The following SLC39A13 variants were observed in gnomAD, a reference collection of about 807,000 sequenced individuals.
SLC39A13 encodes solute carrier family 39 member 13, also known as zinc transporter ZIP13.
SLC39A13 carries 18 observed loss-of-function variants against 38.7 expected under a neutral mutation model. The observed-to-expected ratio is 0.47, with a 90% CI of 0.32 to 0.69. The LOEUF (loss-of-function observed/expected upper bound fraction) is 0.69. Ranked by LOEUF, SLC39A13 falls within the 30% of genes least tolerant of loss-of-function variation. The pLI is 0.03. For synonymous variants in SLC39A13, 212 were observed against 219.1 expected (o/e 0.97, Z 0.29); for missense variants, 395 against 490.7 (o/e 0.80, Z 1.84).
rs370685869 is a variant in SLC39A13 at position 47,412,461 on chromosome 11, C to T, written c.531C>T (p.Thr177=). ...TCCTGGACAGCAAGGAGGAGGGGACCAGCCAGGTGGGCCCCACACTCAAGG... is the reference window on the plus strand; with the variant it reads ...TCCTGGACAGCAAGGAGGAGGGGACTAGCCAGGTGGGCCCCACACTCAAGG... ...KMFLDSKEEG[T]SQAPNKDPTA... Residue 177 remains threonine (T), a synonymous_variant, in exon 4 of 10, where the codon ACC becomes ACT. Coordinates refer to ENST00000362021, the MANE Select transcript of SLC39A13 (RefSeq NM_001128225.3). 10 of 1,614,052 alleles carry T rather than the reference C, an allele frequency of 6.2e-6. No homozygotes were observed. In the African/African-American group the frequency reaches 9.3e-5, roughly 15 times the overall value.
In SLC39A13 at chr11:47,415,974, T is replaced by G; in HGVS notation, c.*611T>G. On this transcript the variant is annotated 3_prime_UTR_variant, in exon 10 of 10. Transcript: ENST00000362021. ...CTGGGAGGCGCTTCCTAAGACCCTT[T>G]CCTCAGGGCTGCCCTGGGAGCTCAT... 1 of 159,226 alleles carries G rather than the reference T, an allele frequency of 6.3e-6. No homozygotes were observed. The highest frequency in any genetic ancestry group is 6.0e-5 in the Admixed American group (1 of 16,644). The allele number at this position is 159,226 out of a possible 1,614,324, so 9.9% of individuals were successfully genotyped here.
intron 4 of SLC39A13, 130 bp downstream of exon 4, chr11:47,412,597 G>T: frequency 2.0e-6 from 3 of 1,518,428 alleles, no homozygotes; most frequent in Non-Finnish European, 2.7e-6. Context: ...GGAGCTGCGG[G>T]AGGTTGGGCC....
At chr11:47,414,316 G>T (rs2096014686) in intron 6 of SLC39A13, 109 bp from the exon 7 acceptor site, 9 of 1,292,556 alleles carry the variant, frequency 7.0e-6, no homozygotes, top group Non-Finnish European at 7.7e-6. Flanking sequence ...CCAACACAGT[G>T]CCCACCCAGA....
At position 47,413,442 on chromosome 11, in the gene SLC39A13, G is replaced by A. The variant is rs764924346; in HGVS notation, c.580G>A (p.Gly194Arg). The A allele has an allele frequency of 1.7e-5, 27 of 1,614,020 alleles. No individual in the cohort carries two copies. The South Asian group carries it at 2.2e-4, about 13-fold the overall frequency. ...CACTGCTGCTGCCGCCGCGCTCAAT[G>A]GAGGCCACTGTCTGGCCCAGCCGGC... ...DPTAAAAALN[G>R]GHCLAQPAAE... Residue 194 changes from glycine (G) to arginine (R), a missense_variant, in exon 5 of 10, where the codon GGA becomes AGA. Physicochemically the swap from Gly to Arg is moderately radical, Grantham distance 125. Transcript: ENST00000362021.
At chr11:47,414,513 C>G (rs1010149568) in intron 7 of SLC39A13, 38 bp downstream of exon 7, 4 of 1,603,618 alleles carry the variant, frequency 2.5e-6, no homozygotes, top group Non-Finnish European at 3.4e-6. Flanking sequence ...GGCCCAGGCC[C>G]CCACAGTGCC....
Position 47,411,170 on chromosome 11 carries a change from G to T in SLC39A13, c.302-756G>T, listed in dbSNP as rs139099628. ...GCCTCAGTTTCTCTATCAAGCCAAA[G>T]GGTTGGACATGGCTTTCAGGCAGGC... is the stretch of plus-strand genomic sequence containing the variant. On this transcript the variant is annotated intron_variant, in intron 2 of 9. Coordinates refer to ENST00000362021, the MANE Select transcript of SLC39A13 (RefSeq NM_001128225.3). Among the ~76,000 whole-genome samples, 119 of 152,298 alleles carry T rather than the reference G, an allele frequency of 7.8e-4. 1 individual carries two copies. Among genetic ancestry groups the T allele is most frequent in the African/African-American group, 2.6e-3 (110 of 41,562 alleles).
At position 47,415,108 on chromosome 11, in the gene SLC39A13, A is replaced by G; in HGVS notation, c.989A>G (p.Tyr330Cys). 1.9e-6 allele frequency: 3 copies of G among 1,613,214 alleles called. No homozygotes were observed. The highest frequency in any genetic ancestry group is 1.7e-6 in the Non-Finnish European group (2 of 1,179,596). The change falls in exon 9 of 10, where the codon TAC becomes TGC. Residue 330 changes from tyrosine (Y) to cysteine (C), a missense_variant. Coordinates refer to ENST00000362021, the MANE Select transcript of SLC39A13 (RefSeq NM_001128225.3). The part of the protein sequence containing the change: ...VLPFTSGGFL[Y>C]IALVNVLPDL... ...CCCTTCACCTCTGGCGGCTTTCTCT[A>G]CATCGCCTTGGTGAACGTGCTCCCT...
At position 47,411,926 on chromosome 11, in the gene SLC39A13, C is replaced by T. The variant is rs2153295514; in HGVS notation, c.302C>T (p.Ala101Val). The T allele has an allele frequency of 2.5e-6, 4 of 1,612,760 alleles. No individual in the cohort carries two copies. The highest frequency in any genetic ancestry group is 3.4e-6 in the Non-Finnish European group (4 of 1,179,550). Residue 101 changes from alanine (A) to valine (V), a missense_variant and splice_region_variant, in exon 3 of 10, where the codon GCT (alanine) becomes GTT (valine). Ala to Val is a moderately conservative substitution (Grantham distance 64, BLOSUM62 0). Transcript: ENST00000362021. ...LEMGTMLRSEAGAWRLKQLLS... is the reference protein window; with the variant it reads ...LEMGTMLRSEVGAWRLKQLLS... ...CAGACCCCGCATCTCTCCCTTGTAG[C>T]TGGGGCCTGGCGCCTGAAGCAGCTG...
intron 6 of SLC39A13, 67 bp from the exon 7 acceptor site, chr11:47,414,358 A>G: frequency 2.6e-6 from 4 of 1,537,820 alleles, no homozygotes; most frequent in Admixed American, 3.8e-5. Flanking sequence ...CCTCTGTGGA[A>G]TGAGTGGGCG....
rs7937331 is a variant in SLC39A13 at position 47,408,907 on chromosome 11, T to C, written c.-9+245T>C. 0.65 allele frequency: 98,583 copies of C among 152,486 alleles called. 31,916 individuals carry two copies. The highest frequency in any genetic ancestry group is 0.71 in the East Asian group (3,631 of 5,140). 9.4% of individuals were successfully genotyped at this position (152,486 alleles called of 1,614,324 possible). On this transcript the variant is annotated intron_variant, in intron 1 of 9. Coordinates refer to ENST00000362021, the MANE Select transcript of SLC39A13 (RefSeq NM_001128225.3). Reference sequence around the variant, plus strand: ...CTCACTCTCTACTTTCCTCTCCCCTTGGACTCTCCGTGTATTCCCTCCCGC... The same window carrying C: ...CTCACTCTCTACTTTCCTCTCCCCTCGGACTCTCCGTGTATTCCCTCCCGC...
intron 4 of SLC39A13, 31 bp from the exon 5 acceptor site, chr11:47,413,369 T>C: frequency 6.2e-7 from 1 of 1,607,958 alleles, no homozygotes; most frequent in East Asian, 2.2e-5. Flanking sequence ...GGGCATCTAA[T>C]GTCACCTCTC....
Position 47,410,292 on chromosome 11 carries a change from C to G in SLC39A13, c.198C>G (p.Asp66Glu). The G allele has an allele frequency of 5.6e-6, 9 of 1,614,150 alleles. No homozygotes were observed. Among genetic ancestry groups the G allele is most frequent in the African/African-American group, 5.3e-5 (4 of 75,038 alleles). ...WGALLSGERL[D>E]TWICSLLGSL... ...CTCTGCTGAGCGGAGAGCGGCTGGA[C>G]ACCTGGATCTGCTCCCTCCTGGGTT... The change falls in exon 2 of 10, where the codon GAC becomes GAG. Residue 66 changes from aspartate to glutamate, a missense_variant. Physicochemically the swap from Asp to Glu is conservative, Grantham distance 45. Coordinates refer to ENST00000362021, the MANE Select transcript of SLC39A13 (RefSeq NM_001128225.3).
Position 47,414,633 on chromosome 11 carries a change from A to G in SLC39A13, c.787-144A>G. 2.0e-6 allele frequency: 3 copies of G among 1,501,510 alleles called. No individual in the cohort carries two copies. The East Asian group carries it at 6.8e-5, about 34-fold the overall frequency. The allele number at this position is 1,501,510 out of a possible 1,614,324, so 93.0% of individuals were successfully genotyped here. A position where few individuals can be genotyped will look rare whatever the true frequency, so the allele number is the denominator to read the frequency against. ...GGAGCTCCTCACCCCAGCAGCCTGC[A>G]GCTGCCATCTCTGCCATACTCAGGA... On this transcript the variant is annotated intron_variant, in intron 7 of 9. Coordinates refer to ENST00000362021, the MANE Select transcript of SLC39A13 (RefSeq NM_001128225.3).
intron 4 of SLC39A13, among the ~76,000 whole-genome samples, 188 bp downstream of exon 4, chr11:47,412,655 G>A (rs1182664171): frequency 6.9e-6 from 1 of 145,472 alleles, no homozygotes; most frequent in African/African-American, 2.5e-5. Flanking sequence ...GCTTGTTCTG[G>A]TAGCCTGATG....
Position 47,414,463 on chromosome 11 carries a change from G to A in SLC39A13, c.774G>A (p.Glu258=). ...CAACCATGGCCATCCTCCTGCATGAGATCCCCCATGAGGTGAGCGCTTGTA... is the reference window on the plus strand; with the variant it reads ...CAACCATGGCCATCCTCCTGCATGAAATCCCCCATGAGGTGAGCGCTTGTA... ...LLTTMAILLH[E]IPHEVGDFAI... is the part of the protein sequence containing the mutation. Residue 258 remains glutamate (E), a synonymous_variant, in exon 7 of 10, where the codon GAG becomes GAA. Coordinates refer to ENST00000362021, the MANE Select transcript of SLC39A13 (RefSeq NM_001128225.3). The A allele has an allele frequency of 1.2e-6, 2 of 1,612,440 alleles. No individual in the cohort carries two copies. The highest frequency in any genetic ancestry group is 1.7e-4 in the Middle Eastern group (1 of 6,060).
chr11:47,408,386 T>C (rs1404056038), upstream of SLC39A13, among the ~76,000 whole-genome samples: 2 of 151,874 alleles, frequency 1.3e-5, no homozygotes, highest in Admixed American at 6.6e-5. Context: ...GACCCTCCCC[T>C]CCGGCCCGCA....
chr11:47,412,218 G>A (rs1030084298), intron 3 of SLC39A13, 128 bp from the exon 4 acceptor site: 1 of 1,374,014 alleles, frequency 7.3e-7, no homozygotes, highest in Non-Finnish European at 1.0e-6. Flanking sequence ...GGAGTTCTGG[G>A]CCCCAGCTGC....
At position 47,410,042 on chromosome 11, in the gene SLC39A13, C is replaced by T. The variant is rs539394383; in HGVS notation, c.-8-45C>T. ...GCGCCACGTTTCCTAAGCAGGTGTG[C>T]GGCCAAGGCTGTAGCTCATATAGGT... is the stretch of plus-strand genomic sequence containing the variant. On this transcript the variant is annotated intron_variant, in intron 1 of 9. Coordinates refer to ENST00000362021, the MANE Select transcript of SLC39A13 (RefSeq NM_001128225.3). 8.0e-5 allele frequency: 129 copies of T among 1,607,304 alleles called. No individual in the cohort carries two copies. In the Admixed American group the frequency reaches 1.2e-3, roughly 15 times the overall value.
chr11:47,414,288 C>T, intron 6 of SLC39A13, 137 bp from the exon 7 acceptor site: 1 of 946,484 alleles, frequency 1.1e-6, no homozygotes, highest in Non-Finnish European at 1.7e-6. Context: ...CCTTTAGTCA[C>T]TGCTGTATTT....
Sources: gnomAD v4.1 joint callset for allele counts (sites outside exome capture counted in the v4.1 genomes callset) on GRCh38, gnomAD v4.1.1 for gene constraint, MANE v1.5 for transcripts, NCBI Gene and HGNC (gene_info 2026-07-23, HGNC 2026-07-21) for gene names.